Variants in STT3B observed in about 807,000 individuals in gnomAD.
STT3B encodes STT3 oligosaccharyltransferase complex catalytic subunit B, also known as dolichyl-diphosphooligosaccharide--protein glycosyltransferase subunit STT3B.
In STT3B, 29 loss-of-function variants were observed where a neutral mutation model predicts 96.8. The ratio of observed to expected loss-of-function variants is 0.30; its 90% CI spans 0.22 to 0.41. The LOEUF is 0.41. Among genes scored for constraint, STT3B ranks in the 10% least tolerant of loss-of-function variants. The pLI is 1.00. For synonymous variants in STT3B, 367 were observed against 360.0 expected, an observed-to-expected ratio of 1.02 and a Z score of -0.22; for missense variants, 640 against 1,022.3, an observed-to-expected ratio of 0.63 and a Z score of 5.10.
At chr3:31,545,478 A>G (rs1308359457) in intron 1 of STT3B, among the ~76,000 whole-genome samples, 2 of 152,212 alleles carry the variant, frequency 1.3e-5, no homozygotes, top group Non-Finnish European at 2.9e-5. Context: ...ATTGAAGTAT[A>G]TTTAACATAC....
At chr3:31,609,684 T>C (rs1699139619) in intron 5 of STT3B, among the ~76,000 whole-genome samples, 2 of 152,198 alleles carry the variant, frequency 1.3e-5, no homozygotes, top group Admixed American at 6.5e-5. Flanking sequence ...AACCTCTGCC[T>C]CCTGGGTTCA....
At chr3:31,562,909 C>A (rs1697914980) in intron 1 of STT3B, among the ~76,000 whole-genome samples, 1 of 152,188 alleles carries the variant, frequency 6.6e-6, no homozygotes, top group Non-Finnish European at 1.5e-5. Context: ...TGGAGCAGTG[C>A]TTTCGCGTGG....
intron 1 of STT3B, 26 bp downstream of exon 1, chr3:31,533,338 G>A: frequency 6.8e-7 from 1 of 1,481,348 alleles, no homozygotes; most frequent in South Asian, 1.3e-5. Flanking sequence ...CCCCTCCCCC[G>A]CCCGTGGCCC....
chr3:31,622,330 C>T, intron 10 of STT3B, 22 bp downstream of exon 10: 1 of 1,589,052 alleles, frequency 6.3e-7, no homozygotes, highest in Non-Finnish European at 8.6e-7. Flanking sequence ...AAAGTAAGGC[C>T]TTTAAATTGT....
At chr3:31,614,776 ATTAC>A (rs1204909983) in intron 5 of STT3B, among the ~76,000 whole-genome samples, 1 of 151,866 alleles carries the variant, frequency 6.6e-6, no homozygotes, top group Non-Finnish European at 1.5e-5. Flanking sequence ...TTATGTATGT[ATTAC>A]TTAGCTTCTT....
At chr3:31,575,694 G>A (rs1267593680) in intron 1 of STT3B, among the ~76,000 whole-genome samples, 1 of 151,978 alleles carries the variant, frequency 6.6e-6, no homozygotes, top group Non-Finnish European at 1.5e-5. Context: ...CACCTCTGAT[G>A]CCCACTTCCC....
intron 1 of STT3B, among the ~76,000 whole-genome samples, chr3:31,562,290 GCTGGTCCCCAGAC>G (rs1697898674): frequency 6.6e-6 from 1 of 152,140 alleles, no homozygotes; most frequent in Non-Finnish European, 1.5e-5. Flanking sequence ...AGTTGTGTGG[GCTGGTCCCCAGAC>G]CTGCAGGTGA....
chr3:31,606,943 G>C (rs1030759838), intron 5 of STT3B, among the ~76,000 whole-genome samples: 1 of 152,166 alleles, frequency 6.6e-6, no homozygotes, highest in Admixed American at 6.5e-5. Flanking sequence ...CCCACCTCTT[G>C]TATCAGCGTG....
chr3:31,578,506 C>T (rs1456029173), intron 2 of STT3B, among the ~76,000 whole-genome samples: 3 of 151,688 alleles, frequency 2.0e-5, no homozygotes, highest in East Asian at 3.9e-4. Context: ...TTCAGTCTAC[C>T]GTATTATATG....
intron 1 of STT3B, among the ~76,000 whole-genome samples, chr3:31,544,170 C>A (rs182814693): frequency 4.8e-4 from 73 of 152,244 alleles, no homozygotes; most frequent in Non-Finnish European, 9.3e-4. Context: ...TTTCATGGCT[C>A]TTGATTTAAC....
At chr3:31,557,150 C>T (rs1478538612) in intron 1 of STT3B, among the ~76,000 whole-genome samples, 1 of 152,134 alleles carries the variant, frequency 6.6e-6, no homozygotes, top group Non-Finnish European at 1.5e-5. Context: ...ATGTCCTTTC[C>T]CCAGTGTTCG....
At chr3:31,580,187 T>C in intron 3 of STT3B, 91 bp downstream of exon 3, 5 of 1,268,312 alleles carry the variant, frequency 3.9e-6, no homozygotes, top group Non-Finnish European at 5.5e-6. Flanking sequence ...CTTTTACAAA[T>C]TATGTAGTTG....
chr3:31,546,495 G>A (rs1188142821), intron 1 of STT3B, among the ~76,000 whole-genome samples: 1 of 152,180 alleles, frequency 6.6e-6, no homozygotes, highest in Non-Finnish European at 1.5e-5. Flanking sequence ...AAAGCTGCCA[G>A]GTCAACTAAG....
At chr3:31,539,034 TG>T (rs766298741) in intron 1 of STT3B, among the ~76,000 whole-genome samples, 1 of 152,214 alleles carries the variant, frequency 6.6e-6, no homozygotes, top group Non-Finnish European at 1.5e-5. Flanking sequence ...TTTAGGTAAA[TG>T]TATGTTAATC....
intron 4 of STT3B, among the ~76,000 whole-genome samples, chr3:31,597,362 GTTGGCCAGGCTGGTC>G (rs1698816360): frequency 6.6e-6 from 1 of 151,368 alleles, no homozygotes; most frequent in Non-Finnish European, 1.5e-5. Context: ...GTTTCACCAT[GTTGGCCAGGCTGGTC>G]TTGTACACCT....
At chr3:31,607,995 A>G (rs1476363142) in intron 5 of STT3B, among the ~76,000 whole-genome samples, 1 of 152,222 alleles carries the variant, frequency 6.6e-6, no homozygotes, top group Non-Finnish European at 1.5e-5. Flanking sequence ...TTAAACAAGT[A>G]GTTTTGATGG....
intron 1 of STT3B, among the ~76,000 whole-genome samples, chr3:31,569,789 G>T (rs930660832): frequency 8.6e-5 from 13 of 151,832 alleles, no homozygotes; most frequent in African/African-American, 1.7e-4. Context: ...TTTATTGGGG[G>T]AAAACTATAA....
intron 1 of STT3B, among the ~76,000 whole-genome samples, chr3:31,545,366 A>G (rs754043779): frequency 1.6e-4 from 24 of 152,240 alleles, no homozygotes; most frequent in Non-Finnish European, 2.6e-4. Flanking sequence ...TCCTTTTGGA[A>G]TAATCATTCT....
At chr3:31,597,012 CTG>C in intron 4 of STT3B, 149 bp downstream of exon 4, 1 of 566,698 alleles carries the variant, frequency 1.8e-6, no homozygotes, top group Non-Finnish European at 3.1e-6. Flanking sequence ...CTCACAGGTC[CTG>C]TATACACCTG....
Sources: allele counts gnomAD v4.1 joint callset (sites outside exome capture counted in the v4.1 genomes callset), GRCh38; gene constraint gnomAD v4.1.1; transcripts MANE v1.5; gene names NCBI Gene and HGNC (gene_info 2026-07-23, HGNC 2026-07-21).